LRP1B: variants seen among roughly 807,000 people sequenced by gnomAD.
LRP1B encodes the protein LDL receptor related protein 1B.
LRP1B carries 217 observed loss-of-function variants against 556.6 expected under a neutral mutation model. The observed-to-expected ratio is 0.39, with a 90% CI of 0.35 to 0.44. LRP1B has a LOEUF of 0.44. Ranked by LOEUF, LRP1B falls within the 20% of genes least tolerant of loss-of-function variation. The pLI is 1.00. For synonymous variants in LRP1B, 2,047 were observed against 1,865.8 expected (o/e 1.10, Z -2.50); for missense variants, 5,053 against 5,620.8 (o/e 0.90, Z 3.23).
chr2:140,670,746 T>C (rs757515349), intron 41 of LRP1B, among the ~76,000 whole-genome samples: 5 of 152,182 alleles, frequency 3.3e-5, no homozygotes, highest in Non-Finnish European at 5.9e-5. Context: ...TAGAATAATG[T>C]TGAAGAAATA....
intron 17 of LRP1B, among the ~76,000 whole-genome samples, chr2:140,983,738 T>C (rs16845076): frequency 0.027 from 4,064 of 152,098 alleles, 181 homozygotes; most frequent in African/African-American, 0.089. Context: ...AAATTAGAAA[T>C]ATCAGGAAAA....
At chr2:141,945,872 T>C (rs1700939884) in intron 1 of LRP1B, among the ~76,000 whole-genome samples, 1 of 152,152 alleles carries the variant, frequency 6.6e-6, no homozygotes, top group Admixed American at 6.6e-5. Flanking sequence ...CTGTTTTTCT[T>C]TATTCCCAGC....
At chr2:142,031,451 G>T in intron 1 of LRP1B, among the ~76,000 whole-genome samples, 1 of 127,182 alleles carries the variant, frequency 7.9e-6, no homozygotes, top group Non-Finnish European at 1.7e-5. Context: ...GTGTCATCTA[G>T]CATTAGGTAT....
At chr2:141,959,357 T>C (rs1336890197) in intron 1 of LRP1B, among the ~76,000 whole-genome samples, 3 of 152,008 alleles carry the variant, frequency 2.0e-5, no homozygotes, top group Admixed American at 2.0e-4. Flanking sequence ...CAAATACTAA[T>C]ATTGTCACAT....
intron 77 of LRP1B, among the ~76,000 whole-genome samples, chr2:140,341,739 G>A (rs1681402622): frequency 6.6e-6 from 1 of 151,316 alleles, no homozygotes; most frequent in Admixed American, 6.6e-5. Flanking sequence ...AAATGGGAGA[G>A]GTGTGATGGG....
chr2:140,779,778 G>GTA (rs900461082), intron 32 of LRP1B, among the ~76,000 whole-genome samples: 3 of 150,546 alleles, frequency 2.0e-5, no homozygotes, highest in African/African-American at 7.3e-5. Context: ...GTGTGTGTGT[G>GTA]TGTGTGTAGC....
intron 3 of LRP1B, among the ~76,000 whole-genome samples, chr2:141,414,033 G>C (rs762121406): frequency 3.3e-5 from 5 of 151,862 alleles, no homozygotes; most frequent in African/African-American, 4.8e-5. Flanking sequence ...GTCAGGAGAT[G>C]GAGACCATCC....
intron 1 of LRP1B, among the ~76,000 whole-genome samples, chr2:141,837,910 T>C (rs1697340147): frequency 6.6e-6 from 1 of 152,154 alleles, no homozygotes; most frequent in South Asian, 2.1e-4. Context: ...CTACAGTGTT[T>C]ATGTAATTGA....
chr2:140,973,423 T>TG (rs1454957134), intron 18 of LRP1B, among the ~76,000 whole-genome samples: 3 of 151,974 alleles, frequency 2.0e-5, no homozygotes, highest in South Asian at 2.1e-4. Flanking sequence ...TGTAGGAGGA[T>TG]GGGGGGGTAG....
chr2:140,378,049 A>G lies in LRP1B; in HGVS notation c.10638+131T>C, dbSNP rs1169653386. 7.8e-6 allele frequency: 5 copies of G among 638,700 alleles called. 1 individual carries two copies. Among genetic ancestry groups the G allele is most frequent in the African/African-American group, 7.4e-5 (4 of 54,328 alleles). 39.6% of individuals were successfully genotyped at this position (638,700 alleles called of 1,614,324 possible). A position where few individuals can be genotyped will look rare whatever the true frequency, so the allele number is the denominator to read the frequency against. On this transcript the variant is annotated intron_variant, in intron 68 of 90. Coordinates refer to ENST00000389484, the MANE Select transcript of LRP1B (RefSeq NM_018557.3). ...ATGTGAAGCACAGCACATGGATATA[A>G]TACTTATCTCAATGTGTCAGGAGCA...
chr2:140,350,774 A>G (rs1573830273), intron 77 of LRP1B, 23 bp downstream of exon 77: 1 of 1,600,640 alleles, frequency 6.2e-7, no homozygotes, highest in Non-Finnish European at 8.5e-7. Flanking sequence ...TGGACTTTCA[A>G]ATATACAATG....
intron 66 of LRP1B, among the ~76,000 whole-genome samples, chr2:140,420,014 G>GAAAAAAAAAAAAAAAAAAAAAAAAAAAAA (rs76165653): frequency 1.2e-5 from 1 of 86,326 alleles, no homozygotes; most frequent in Non-Finnish European, 2.4e-5. Context: ...TCATAAAAAA[G>GAAAAAAAAAAAAAAAAAAAAAAAAAAAAA]AAAAAAAAAA....
At chr2:141,335,094 T>C (rs1350342735) in intron 3 of LRP1B, among the ~76,000 whole-genome samples, 4 of 152,226 alleles carry the variant, frequency 2.6e-5, no homozygotes, top group Non-Finnish European at 5.9e-5. Flanking sequence ...TTACTTTGTA[T>C]CCTTTTTAAC....
At chr2:141,756,625 A>G (rs1694329954) in intron 2 of LRP1B, among the ~76,000 whole-genome samples, 1 of 152,022 alleles carries the variant, frequency 6.6e-6, no homozygotes, top group Admixed American at 6.6e-5. Context: ...TGGAAAACAT[A>G]GAGAATGGAG....
intron 41 of LRP1B, among the ~76,000 whole-genome samples, chr2:140,663,358 T>C (rs1255926207): frequency 1.3e-5 from 2 of 152,176 alleles, no homozygotes; most frequent in Non-Finnish European, 2.9e-5. Context: ...CATGCCAAGA[T>C]CCACACATAT....
At chr2:142,036,455 T>C (rs1048768724) in intron 1 of LRP1B, among the ~76,000 whole-genome samples, 1 of 151,706 alleles carries the variant, frequency 6.6e-6, no homozygotes, top group African/African-American at 2.4e-5. Context: ...GATCTCTCCA[T>C]TCTCACCATT....
At chr2:140,776,994 CA>C (rs1689522592) in intron 32 of LRP1B, among the ~76,000 whole-genome samples, 1 of 152,126 alleles carries the variant, frequency 6.6e-6, no homozygotes, top group Non-Finnish European at 1.5e-5. Flanking sequence ...GTAACTTAAT[CA>C]AATTTACATA....
At chr2:141,061,413 T>C (rs1239554218) in intron 8 of LRP1B, among the ~76,000 whole-genome samples, 1 of 151,750 alleles carries the variant, frequency 6.6e-6, no homozygotes, top group African/African-American at 2.4e-5. Flanking sequence ...GATTTTTAAA[T>C]ATATTATAGT....
rs115829416 is a variant in LRP1B at position 140,655,022 on chromosome 2, G to T, written c.6799+45228C>A. On this transcript the variant is annotated intron_variant, in intron 41 of 90. Transcript: ENST00000389484. ...GGTTAAATAAGAGAAATTTGTATGG[G>T]TATATGTATGTATATATATATATAT... 6.0e-3 allele frequency among the ~76,000 whole-genome samples: 838 copies of T among 139,892 alleles called. 16 individuals carry two copies. Among genetic ancestry groups the T allele is most frequent in the South Asian group, 0.051 (226 of 4,456 alleles). 91.8% of individuals were successfully genotyped at this position (139,892 alleles called of 152,430 possible). A position where few individuals can be genotyped will look rare whatever the true frequency, so the allele number is the denominator to read the frequency against.
Sources: allele counts gnomAD v4.1 joint callset (sites outside exome capture counted in the v4.1 genomes callset), GRCh38; gene constraint gnomAD v4.1.1; transcripts MANE v1.5; gene names NCBI Gene and HGNC (gene_info 2026-07-23, HGNC 2026-07-21).